The following FGF2 variants were observed in gnomAD, a reference collection of about 807,000 sequenced individuals.
The protein encoded by FGF2 is fibroblast growth factor 2, also known as basic fibroblast growth factor bFGF.
Under a neutral mutation model 15.9 loss-of-function variants are expected in FGF2, and 13 were observed. That is an observed-to-expected ratio of 0.82 (90% confidence interval 0.53 to 1.30). The LOEUF (loss-of-function observed/expected upper bound fraction) is 1.30, where lower values mean the gene tolerates loss of function less well. FGF2 is among the 50% of genes most tolerant of loss of function. FGF2 has a pLI of 0.00. For missense variants in FGF2, 163 were observed against 196.9 expected (o/e 0.83, Z 1.03); for synonymous variants, 90 against 78.4 (o/e 1.15, Z -0.78).
intron 1 of FGF2, among the ~76,000 whole-genome samples, chr4:122,830,331 T>C (rs144421064): frequency 6.1e-4 from 93 of 151,948 alleles, no homozygotes; most frequent in African/African-American, 2.2e-3. Flanking sequence ...AGCTGTGAGG[T>C]AGGAAAGAGA....
At chr4:122,864,088 G>C (rs1726524564) in intron 1 of FGF2, among the ~76,000 whole-genome samples, 1 of 151,808 alleles carries the variant, frequency 6.6e-6, no homozygotes, top group Non-Finnish European at 1.5e-5. Context: ...GTGTTTCATT[G>C]AATTACTGGG....
At chr4:122,844,428 C>T (rs1242289068) in intron 1 of FGF2, among the ~76,000 whole-genome samples, 2 of 152,186 alleles carry the variant, frequency 1.3e-5, no homozygotes, top group Non-Finnish European at 2.9e-5. Flanking sequence ...TTCTTCCAAA[C>T]TCTTAGTAGT....
intron 1 of FGF2, among the ~76,000 whole-genome samples, chr4:122,836,664 C>A (rs1725873405): frequency 1.3e-5 from 2 of 152,128 alleles, no homozygotes; most frequent in Non-Finnish European, 2.9e-5. Context: ...AATGAGTGAC[C>A]AGTCTGAGTC....
At chr4:122,892,185 C>T in intron 2 of FGF2, 26 bp from the exon 3 acceptor site, 1 of 1,528,448 alleles carries the variant, frequency 6.5e-7, no homozygotes, top group Non-Finnish European at 9.1e-7. Context: ...ATAATAATAA[C>T]AGGTAATTCT....
chr4:122,827,195 C>A lies in FGF2; in HGVS notation c.21C>A (p.Thr7=), dbSNP rs1208604644. The change falls in exon 1 of 3, where the codon ACC becomes ACA. Residue 7 remains threonine (T), a synonymous_variant. Coordinates refer to ENST00000644866, the MANE Select transcript of FGF2 (RefSeq NM_001361665.2). This position sits in a 1 kb window ranked among gnomAD's most constrained non-coding sequence, Gnocchi z 4.2. ...GGACCATGGCAGCCGGGAGCATCAC[C>A]ACGCTGCCCGCCTTGCCCGAGGATG... MAAGSI[T]TLPALPEDGG... 1.2e-6 allele frequency: 2 copies of A among 1,601,194 alleles called. No homozygotes were observed. The highest frequency in any genetic ancestry group is 1.7e-6 in the Non-Finnish European group (2 of 1,175,510).
intron 1 of FGF2, among the ~76,000 whole-genome samples, chr4:122,873,597 A>G (rs11944461): frequency 0.037 from 5,645 of 152,304 alleles, 194 homozygotes; most frequent in South Asian, 0.14. Context: ...GCAGCTATGC[A>G]TCTCTTTTTT....
At chr4:122,891,265 C>T (rs541779575) in intron 2 of FGF2, among the ~76,000 whole-genome samples, 1 of 151,972 alleles carries the variant, frequency 6.6e-6, no homozygotes, top group African/African-American at 2.4e-5. Flanking sequence ...TGGTCTCGAT[C>T]TCCTGACCTC....
rs901057762 is a variant in FGF2 at position 122,827,662 on chromosome 4, C to G, written c.178+310C>G. ...CTGTCTTCCCGCGGACAACCTGTCG[C>G]GTCGGGGATGCCCGCGGCCCCGCCA... is the stretch of plus-strand genomic sequence containing the variant. On this transcript the variant is annotated intron_variant, in intron 1 of 2. Coordinates refer to ENST00000644866, the MANE Select transcript of FGF2 (RefSeq NM_001361665.2). This position sits in a 1 kb window ranked among gnomAD's most constrained non-coding sequence, Gnocchi z 4.2. Among the ~76,000 whole-genome samples, 2 of 152,124 alleles carry G rather than the reference C, an allele frequency of 1.3e-5. No individual in the cohort carries two copies. Among genetic ancestry groups the G allele is most frequent in the African/African-American group, 4.8e-5 (2 of 41,426 alleles).
chr4:122,868,277 C>T (rs1042545818), intron 1 of FGF2, among the ~76,000 whole-genome samples: 1 of 152,134 alleles, frequency 6.6e-6, no homozygotes, highest in Non-Finnish European at 1.5e-5. Context: ...TTTCACTCCC[C>T]ACCCCACAAC....
At chr4:122,862,969 A>G (rs1726502520) in intron 1 of FGF2, among the ~76,000 whole-genome samples, 1 of 152,218 alleles carries the variant, frequency 6.6e-6, no homozygotes, top group Non-Finnish European at 1.5e-5. Flanking sequence ...AGCTGGGTTA[A>G]GTCAGTGTCT....
chr4:122,862,140 T>A (rs1484042315), intron 1 of FGF2, among the ~76,000 whole-genome samples: 2 of 152,250 alleles, frequency 1.3e-5, no homozygotes, highest in Admixed American at 6.5e-5. Flanking sequence ...CTTAGCACAG[T>A]ACCTGGCACA....
At chr4:122,858,760 G>C (rs1029263021) in intron 1 of FGF2, among the ~76,000 whole-genome samples, 1 of 151,994 alleles carries the variant, frequency 6.6e-6, no homozygotes, top group Non-Finnish European at 1.5e-5. Context: ...ACGGTTTTCA[G>C]TGCCTGGTCT....
At chr4:122,830,366 A>G (rs575913696) in intron 1 of FGF2, among the ~76,000 whole-genome samples, 48 of 152,234 alleles carry the variant, frequency 3.2e-4, no homozygotes, top group African/African-American at 1.1e-3. Flanking sequence ...AAGAAGAGGT[A>G]GGAGAAGATG....
chr4:122,875,427 C>CA (rs1378016726), intron 1 of FGF2, among the ~76,000 whole-genome samples: 2 of 111,910 alleles, frequency 1.8e-5, no homozygotes, highest in Admixed American at 1.8e-4. Context: ...TATTTGCACA[C>CA]AAAAAAATAG....
At chr4:122,834,040 T>C (rs902188991) in intron 1 of FGF2, among the ~76,000 whole-genome samples, 4 of 152,192 alleles carry the variant, frequency 2.6e-5, no homozygotes, top group Non-Finnish European at 5.9e-5. Flanking sequence ...AAGATTAGGC[T>C]CACAGACACT....
At chr4:122,849,712 T>C (rs141894369) in intron 1 of FGF2, among the ~76,000 whole-genome samples, 147 of 152,298 alleles carry the variant, frequency 9.7e-4, no homozygotes, top group Non-Finnish European at 1.6e-3. Context: ...GTCTGTGATA[T>C]TCAGTAATTT....
At position 122,827,474 on chromosome 4, in the gene FGF2, C is replaced by T; in HGVS notation, c.178+122C>T. The T allele has an allele frequency of 8.4e-7, 1 of 1,189,600 alleles. No homozygotes were observed. The highest frequency in any genetic ancestry group is 2.5e-5 in the East Asian group (1 of 39,332). The allele number at this position is 1,189,600 out of a possible 1,614,324, so 73.7% of individuals were successfully genotyped here. A position where few individuals can be genotyped will look rare whatever the true frequency, so the allele number is the denominator to read the frequency against. On this transcript the variant is annotated intron_variant, in intron 1 of 2. Transcript: ENST00000644866. This position sits in a 1 kb window ranked among gnomAD's most constrained non-coding sequence, Gnocchi z 4.2. ...GCGACCCTAGCGCTCCGTGTGGTTT[C>T]TGGCCGCGCGGCCCTCGGCGGTTTC...
At chr4:122,850,377 C>T (rs768225893) in intron 1 of FGF2, among the ~76,000 whole-genome samples, 1 of 152,166 alleles carries the variant, frequency 6.6e-6, no homozygotes, top group Admixed American at 6.5e-5. Context: ...CTTTCTCTGC[C>T]TGAGATAAGA....
chr4:122,883,293 AC>A (rs1726996236), intron 2 of FGF2: 1 of 152,228 alleles, frequency 6.6e-6, no homozygotes, highest in South Asian at 2.1e-4. Context: ...TAGGTTGATT[AC>A]CAATTAGAGT....
Sources: gnomAD v4.1 joint callset for allele counts (sites outside exome capture counted in the v4.1 genomes callset) on GRCh38, gnomAD v4.1.1 for gene constraint, Gnocchi (gnomAD v3.1) non-coding constraint, MANE v1.5 for transcripts, NCBI Gene and HGNC (gene_info 2026-07-23, HGNC 2026-07-21) for gene names.